SLC18B1: variants seen among roughly 807,000 people sequenced by gnomAD.
SLC18B1 encodes MFS-type transporter SLC18B1.
In SLC18B1, 62 loss-of-function variants were observed where a neutral mutation model predicts 53.9. The ratio of observed to expected loss-of-function variants is 1.15; its 90% CI spans 0.94 to 1.42. The LOEUF (loss-of-function observed/expected upper bound fraction) is 1.42. Ranked by LOEUF, SLC18B1 falls within the 40% of genes most tolerant of loss-of-function variation. The pLI is 0.00. For synonymous variants in SLC18B1, 217 were observed against 200.9 expected, an observed-to-expected ratio of 1.08 and a Z score of -0.68; for missense variants, 598 against 547.3, an observed-to-expected ratio of 1.09 and a Z score of -0.93.
At chr6:132,781,361 G>C (rs1290557975) in intron 6 of SLC18B1, among the ~76,000 whole-genome samples, 1 of 152,040 alleles carries the variant, frequency 6.6e-6, no homozygotes, top group Admixed American at 6.5e-5. Context: ...TTAGAGATGG[G>C]GGGGTGGGGT....
intron 8 of SLC18B1, among the ~76,000 whole-genome samples, chr6:132,775,499 T>G (rs1436858242): frequency 3.3e-5 from 5 of 151,998 alleles, no homozygotes; most frequent in Non-Finnish European, 7.4e-5. Context: ...TTTTGACATC[T>G]GGGTTACTAA....
intron 2 of SLC18B1, 43 bp downstream of exon 2, chr6:132,796,939 C>CA: frequency 6.4e-7 from 1 of 1,553,004 alleles, no homozygotes; most frequent in Non-Finnish European, 8.7e-7. Flanking sequence ...AAAAAACAAA[C>CA]AAACAAAAAA....
chr6:132,773,521 TGAG>T (rs1781029561), intron 9 of SLC18B1, among the ~76,000 whole-genome samples: 1 of 152,224 alleles, frequency 6.6e-6, no homozygotes, highest in South Asian at 2.1e-4. Context: ...TTGTTCCATG[TGAG>T]GAGACTATGC....
rs1781542139 is a variant in SLC18B1 at position 132,792,225 on chromosome 6, CAGAAAGAAAGAAAGAAAGAAAG to C, written c.184-1975_184-1954del. On this transcript the variant is annotated intron_variant, in intron 2 of 13. Coordinates refer to ENST00000275227, the MANE Select transcript of SLC18B1 (RefSeq NM_052831.3). ...CCTGGGTGACAGAGCAAGACACTGT[CAGAAAGAAAGAAAGAAAGAAAG>C]AAAGAAAGAAAGAAAGAAAGAAAGA... 7.9e-4 allele frequency among the ~76,000 whole-genome samples: 35 copies of C among 44,546 alleles called. 2 individuals are homozygous for C. The highest frequency in any genetic ancestry group is 2.3e-3 in the African/African-American group (31 of 13,260). The allele number at this position is 44,546 out of a possible 152,430, so 29.2% of individuals were successfully genotyped here.
intron 2 of SLC18B1, among the ~76,000 whole-genome samples, chr6:132,791,013 A>T (rs1324815563): frequency 1.3e-5 from 2 of 152,244 alleles, no homozygotes; most frequent in Non-Finnish European, 2.9e-5. Flanking sequence ...GTGATACACA[A>T]CTACATTCAC....
chr6:132,793,896 C>G (rs1302220035), intron 2 of SLC18B1, among the ~76,000 whole-genome samples: 1 of 152,122 alleles, frequency 6.6e-6, no homozygotes, highest in Non-Finnish European at 1.5e-5. Flanking sequence ...CTTTGGTCAT[C>G]ATTTCCTATA....
chr6:132,794,311 C>T (rs1781619138), intron 2 of SLC18B1, among the ~76,000 whole-genome samples: 1 of 151,816 alleles, frequency 6.6e-6, no homozygotes, highest in African/African-American at 2.4e-5. Context: ...ACCATGTTGG[C>T]CAGGCTGGTC....
chr6:132,793,322 G>A (rs149957261), intron 2 of SLC18B1, among the ~76,000 whole-genome samples: 238 of 152,272 alleles, frequency 1.6e-3, no homozygotes, highest in African/African-American at 5.7e-3. Context: ...TGCATTTGTT[G>A]ACCACAAGAT....
chr6:132,780,106 T>C (rs11965912), intron 6 of SLC18B1, among the ~76,000 whole-genome samples: 56 of 151,844 alleles, frequency 3.7e-4, no homozygotes, highest in African/African-American at 1.3e-3. Flanking sequence ...TTTTCTTTTT[T>C]TTTTTTAAGA....
chr6:132,788,845 AC>A (rs1359543153), intron 4 of SLC18B1, among the ~76,000 whole-genome samples: 7 of 149,752 alleles, frequency 4.7e-5, no homozygotes, highest in Admixed American at 2.0e-4. Flanking sequence ...AAAAAAAAAA[AC>A]ATGTAGAATC....
intron 10 of SLC18B1, 21 bp from the exon 11 acceptor site, chr6:132,772,227 G>A (rs911607941): frequency 1.5e-5 from 22 of 1,471,288 alleles, no homozygotes; most frequent in African/African-American, 4.4e-5. Flanking sequence ...AGACATGAGT[G>A]TATCCATTAT....
At chr6:132,775,209 G>A (rs1017725427) in intron 8 of SLC18B1, among the ~76,000 whole-genome samples, 4 of 152,276 alleles carry the variant, frequency 2.6e-5, no homozygotes, top group African/African-American at 4.8e-5. Context: ...CAATCTGTGC[G>A]CCAGGCAACA....
At chr6:132,781,765 A>AAAAAG (rs917094777) in intron 6 of SLC18B1, among the ~76,000 whole-genome samples, 19 of 152,006 alleles carry the variant, frequency 1.2e-4, no homozygotes, top group South Asian at 4.2e-4. Context: ...TTTAAAAAAA[A>AAAAAG]AAAAGAAAAG....
At chr6:132,783,190 AG>A (rs1331338038) in intron 6 of SLC18B1, among the ~76,000 whole-genome samples, 1 of 151,290 alleles carries the variant, frequency 6.6e-6, no homozygotes, top group Non-Finnish European at 1.5e-5. Flanking sequence ...TAATTTTTTG[AG>A]GGGGTGGAAG....
rs1248250443 is a variant in SLC18B1 at position 132,771,107 on chromosome 6, C to T, written c.1183G>A (p.Gly395Ser). Residue 395 changes from glycine (G) to serine (S), a missense_variant, in exon 12 of 14, where the codon GGT (glycine) becomes AGT (serine). Physicochemically the swap from Gly to Ser is moderately conservative, Grantham distance 56. Transcript: ENST00000275227. ...CCAATTTTCTCATACAGAAATCCAC[C>T]CAGCGTTGGTCCCATAAAAGCACTA... Reference protein sequence around the residue: ...SIGAFMGPTLGGFLYEKIGFE... With the variant: ...SIGAFMGPTLSGFLYEKIGFE... The T allele has an allele frequency of 6.2e-7, 1 of 1,613,942 alleles. No homozygotes were observed. Among genetic ancestry groups the T allele is most frequent in the Non-Finnish European group, 8.5e-7 (1 of 1,180,012 alleles).
chr6:132,785,954 T>C (rs2114676360), intron 5 of SLC18B1, among the ~76,000 whole-genome samples: 1 of 129,980 alleles, frequency 7.7e-6, no homozygotes, highest in Non-Finnish European at 1.7e-5. Context: ...AGAAAAAAAA[T>C]GGTTCCATAG....
At chr6:132,771,183 T>C (rs1780965559) in intron 11 of SLC18B1, 54 bp from the exon 12 acceptor site, 3 of 1,485,770 alleles carry the variant, frequency 2.0e-6, no homozygotes, top group Non-Finnish European at 2.8e-6. Flanking sequence ...AAATAATTAC[T>C]TCATGAAAAG....
Position 132,790,227 on chromosome 6 carries a change from C to T in SLC18B1, c.229G>A (p.Gly77Arg). Residue 77 changes from glycine to arginine, a missense_variant, in exon 3 of 14, where the codon GGA becomes AGA. Gly to Arg is a moderately radical substitution (Grantham distance 125). Coordinates refer to ENST00000275227, the MANE Select transcript of SLC18B1 (RefSeq NM_052831.3). ...AGCAACTCGAACAAAGCAAAACATC[C>T]AAAGATCATACCGATAATTGTATTG... ...ASNTIIGMIFGCFALFELLAS... is the reference protein window; with the variant it reads ...ASNTIIGMIFRCFALFELLAS... 6.3e-7 allele frequency: 1 copy of T among 1,577,884 alleles called. No individual in the cohort carries two copies. The highest frequency in any genetic ancestry group is 1.3e-5 in the African/African-American group (1 of 74,278).
At chr6:132,778,416 C>T (rs1048384061) in intron 7 of SLC18B1, among the ~76,000 whole-genome samples, 9 of 152,014 alleles carry the variant, frequency 5.9e-5, no homozygotes, top group African/African-American at 1.9e-4. Flanking sequence ...TGAAGTACCC[C>T]AAACTGTCTT....
Sources: gnomAD v4.1 joint callset for allele counts (sites outside exome capture counted in the v4.1 genomes callset) on GRCh38, gnomAD v4.1.1 for gene constraint, MANE v1.5 for transcripts, NCBI Gene and HGNC (gene_info 2026-07-23, HGNC 2026-07-21) for gene names.